MACROD1: variants seen among roughly 807,000 people sequenced by gnomAD.
MACROD1 encodes the protein ADP-ribose glycohydrolase MACROD1.
In MACROD1, 31 loss-of-function variants were observed where a neutral mutation model predicts 41.4. That is an observed-to-expected ratio of 0.75 (90% CI 0.56 to 1.01). MACROD1 has a LOEUF of 1.01. Ranked by LOEUF, MACROD1 falls within the 50% of genes least tolerant of loss-of-function variation. The probability of loss-of-function intolerance (pLI) is 0.00; values close to 1 mark genes in which losing one functional copy is unlikely to be tolerated. For missense variants in MACROD1, 473 were observed against 460.0 expected, an observed-to-expected ratio of 1.03 and a Z score of -0.26; for synonymous variants, 252 against 203.4, an observed-to-expected ratio of 1.24 and a Z score of -2.03.
At chr11:64,118,091 T>C (rs761420815) in intron 3 of MACROD1, 1 of 1,611,860 alleles carries the variant, frequency 6.2e-7, no homozygotes, top group South Asian at 1.1e-5. Context: ...CCAAGAAGGA[T>C]AACTCCATCC....
intron 3 of MACROD1, chr11:64,118,248 T>C: frequency 6.2e-7 from 1 of 1,603,980 alleles, no homozygotes; most frequent in South Asian, 1.1e-5. Flanking sequence ...CACGCGGGGC[T>C]ACCGGGACGG....
rs373560003 is a variant in MACROD1, at chr11:63,999,376, G to T, written c.846C>A (p.Ile282=). ...GCCACTCTCGCAGCGTGGCCAGCAC[G>T]ATCTCGGCGGCCGCCTCACAGGGGT... The part of the protein sequence containing the change: ...FGYPCEAAAE[I]VLATLREWLE... Residue 282 remains isoleucine, a synonymous_variant, in exon 8 of 11, where the codon ATC becomes ATA. Coordinates refer to ENST00000255681, the MANE Select transcript of MACROD1 (RefSeq NM_014067.4). 6 of 1,592,534 alleles carry T rather than the reference G, an allele frequency of 3.8e-6. No homozygotes were observed. Among genetic ancestry groups the T allele is most frequent in the Non-Finnish European group, 5.1e-6 (6 of 1,174,178 alleles).
At position 64,133,547 on chromosome 11, in the gene MACROD1, G is replaced by A. The variant is rs998788861; in HGVS notation, c.517+17692C>T. On this transcript the variant is annotated intron_variant, in intron 3 of 10. Transcript: ENST00000255681. Reference sequence around the variant, plus strand: ...CTAAAAGGCAGCTCCCCTGTGCTCCGGAAGCACTGGACACAGGTAGAGCAG... The same window carrying A: ...CTAAAAGGCAGCTCCCCTGTGCTCCAGAAGCACTGGACACAGGTAGAGCAG... Among the ~76,000 whole-genome samples, 4 of 152,246 alleles carry A rather than the reference G, an allele frequency of 2.6e-5. No individual in the cohort carries two copies. The East Asian group carries it at 5.8e-4, about 22-fold the overall frequency.
intron 3 of MACROD1, among the ~76,000 whole-genome samples, chr11:64,138,212 AG>A (rs1326599706): frequency 6.6e-6 from 1 of 152,158 alleles, no homozygotes; most frequent in African/African-American, 2.4e-5. Context: ...CCTCCTTGTT[AG>A]GAGGAAGAGG....
chr11:64,026,423 C>T (rs934506111), intron 3 of MACROD1, among the ~76,000 whole-genome samples: 3 of 152,198 alleles, frequency 2.0e-5, no homozygotes, highest in Non-Finnish European at 4.4e-5. Context: ...GGTTTTGTCT[C>T]ATGCAAACAC....
intron 3 of MACROD1, among the ~76,000 whole-genome samples, chr11:64,147,044 G>A (rs11231709): frequency 6.6e-6 from 1 of 152,118 alleles, no homozygotes; most frequent in Non-Finnish European, 1.5e-5. Context: ...GAGATCAGTA[G>A]GGAAACAGAA....
intron 3 of MACROD1, among the ~76,000 whole-genome samples, chr11:64,111,601 A>G (rs1702844096): frequency 2.0e-5 from 3 of 152,144 alleles, no homozygotes; most frequent in Admixed American, 2.0e-4. Context: ...GGGCTGTGAA[A>G]TGAGGGCTGT....
Position 63,998,609 on chromosome 11 carries a change from A to AGAAG in MACROD1, c.*105_*108dup. On this transcript the variant is annotated 3_prime_UTR_variant, in exon 11 of 11. Transcript: ENST00000255681. Reference sequence around the variant, plus strand: ...CCTCGGGGGCGGGGCGCGGAGGGAAAGAAGGGGTGGCCAGGCCCAGGCCAG... The same window carrying AGAAG: ...CCTCGGGGGCGGGGCGCGGAGGGAAAGAAGGAAGGGGTGGCCAGGCCCAGGCCAG... 1 of 1,266,972 alleles carries AGAAG rather than the reference A, an allele frequency of 7.9e-7. No individual in the cohort carries two copies. Among genetic ancestry groups the AGAAG allele is most frequent in the Non-Finnish European group, 9.9e-7 (1 of 1,007,356 alleles). 78.5% of individuals were successfully genotyped at this position (1,266,972 alleles called of 1,614,324 possible).
chr11:64,130,920 G>C (rs2134657197), intron 3 of MACROD1, among the ~76,000 whole-genome samples: 1 of 152,366 alleles, frequency 6.6e-6, no homozygotes, highest in Middle Eastern at 3.4e-3. Context: ...CCAAGCCTGG[G>C]ACGAGATGAA....
intron 3 of MACROD1, among the ~76,000 whole-genome samples, chr11:64,142,882 G>A (rs966340486): frequency 2.6e-5 from 4 of 152,034 alleles, no homozygotes; most frequent in Admixed American, 6.6e-5. Context: ...TTGGGAGGCT[G>A]AGGCAGGTAG....
rs576559667 is a variant in MACROD1, at chr11:64,110,519, C to T, written c.517+40720G>A. Among the ~76,000 whole-genome samples the T allele has an allele frequency of 1.6e-4, 24 of 152,054 alleles. No homozygotes were observed. In the East Asian group the frequency reaches 4.6e-3, roughly 29 times the overall value. On this transcript the variant is annotated intron_variant, in intron 3 of 10. Coordinates refer to ENST00000255681, the MANE Select transcript of MACROD1 (RefSeq NM_014067.4). ...AGGCAGGATTTGAACCCAGGCCTCT[C>T]TGTCCTGGAGGTTGGCAGGGGACAA...
intron 3 of MACROD1, among the ~76,000 whole-genome samples, chr11:64,018,187 G>T (rs1268974904): frequency 6.6e-6 from 1 of 152,150 alleles, no homozygotes; most frequent in African/African-American, 2.4e-5. Context: ...TTGGATGCAC[G>T]GAGGACCTGG....
At chr11:64,079,629 G>A (rs1394234847) in intron 3 of MACROD1, among the ~76,000 whole-genome samples, 1 of 152,176 alleles carries the variant, frequency 6.6e-6, no homozygotes, top group Non-Finnish European at 1.5e-5. Flanking sequence ...GGCAGAGTTG[G>A]GCCTAGAGGC....
intron 3 of MACROD1, among the ~76,000 whole-genome samples, chr11:64,144,252 A>C (rs924005770): frequency 5.3e-5 from 8 of 152,020 alleles, no homozygotes; most frequent in Admixed American, 2.0e-4. Flanking sequence ...TCCTCCAGGC[A>C]GCCTTCCCCA....
intron 3 of MACROD1, among the ~76,000 whole-genome samples, chr11:64,015,554 G>T (rs568054800): frequency 3.9e-5 from 6 of 152,222 alleles, no homozygotes; most frequent in South Asian, 2.1e-4. Flanking sequence ...CGCATGGGGG[G>T]GTCCAGAGAG....
intron 4 of MACROD1, among the ~76,000 whole-genome samples, chr11:64,006,207 C>T (rs1942911210): frequency 6.6e-6 from 1 of 152,354 alleles, no homozygotes; most frequent in Middle Eastern, 3.4e-3. Flanking sequence ...GGGTCTTGCG[C>T]TCTCTTCTCT....
At chr11:64,051,753 A>G (rs1943699669) in intron 3 of MACROD1, among the ~76,000 whole-genome samples, 1 of 152,168 alleles carries the variant, frequency 6.6e-6, no homozygotes. Context: ...CCTGCGGCCC[A>G]GTCCCTCTCA....
At chr11:64,069,729 C>T (rs971045979) in intron 3 of MACROD1, among the ~76,000 whole-genome samples, 4 of 152,160 alleles carry the variant, frequency 2.6e-5, no homozygotes, top group Non-Finnish European at 4.4e-5. Flanking sequence ...CCCCCGGGCC[C>T]GGCCCCGGCA....
intron 3 of MACROD1, among the ~76,000 whole-genome samples, chr11:64,077,298 A>T (rs942494011): frequency 6.6e-6 from 1 of 152,186 alleles, no homozygotes; most frequent in Non-Finnish European, 1.5e-5. Flanking sequence ...GTTTGCATCC[A>T]GGGGGTCAGG....
Sources: allele counts gnomAD v4.1 joint callset (sites outside exome capture counted in the v4.1 genomes callset), GRCh38; gene constraint gnomAD v4.1.1; transcripts MANE v1.5; gene names NCBI Gene and HGNC (gene_info 2026-07-23, HGNC 2026-07-21).